Variants in TMPRSS9 observed in about 807,000 individuals in gnomAD.
TMPRSS9 encodes the protein transmembrane serine protease 9, also known as transmembrane protease serine 9.
TMPRSS9 carries 113 observed loss-of-function variants against 111.4 expected under a neutral mutation model. The observed-to-expected ratio is 1.01, with a 90% CI of 0.87 to 1.19. The LOEUF is 1.19. Ranked by LOEUF, TMPRSS9 falls within the 50% of genes most tolerant of loss-of-function variation. The pLI is 0.00. For synonymous variants in TMPRSS9, 805 were observed against 659.1 expected, an observed-to-expected ratio of 1.22 and a Z score of -3.39; for missense variants, 1,803 against 1,513.1, an observed-to-expected ratio of 1.19 and a Z score of -3.18.
chr19:2,424,388 C>A, intron 15 of TMPRSS9, 131 bp downstream of exon 16: 1 of 1,003,800 alleles, frequency 1.0e-6, no homozygotes, highest in African/African-American at 1.7e-5. Context: ...TCCCACTGCC[C>A]CAGGCCACTC....
exon 16 of TMPRSS9, chr19:2,425,199 AGCCCGC>A (rs1971584293): frequency 2.0e-6 from 3 of 1,517,410 alleles, no homozygotes; most frequent in South Asian, 1.2e-5. Context: ...TGCCTGCCCG[AGCCCGC>A]GCCGCGACCC....
At chr19:2,406,309 C>G (rs1231434838) in intron 7 of TMPRSS9, among the ~76,000 whole-genome samples, 1 of 137,964 alleles carries the variant, frequency 7.2e-6, no homozygotes, top group Admixed American at 7.2e-5. Context: ...TGAGCCACTG[C>G]GCCCGGCCTC....
Position 2,417,294 on chromosome 19 carries a change from C to T in TMPRSS9, c.2017+485C>T, listed in dbSNP as rs538278466. ...CAGCCTGGCCAACATGGTGAAACCCCGTCTCTACTAGAAATACAAAAATTA... is the reference window on the plus strand; with the variant it reads ...CAGCCTGGCCAACATGGTGAAACCCTGTCTCTACTAGAAATACAAAAATTA... On this transcript the variant is annotated intron_variant, in intron 12 of 17. Transcript: ENST00000648592. 1.8e-4 allele frequency among the ~76,000 whole-genome samples: 28 copies of T among 151,634 alleles called. No homozygotes were observed. The Middle Eastern group carries it at 0.01, about 55-fold the overall frequency.
intron 1 of TMPRSS9, among the ~76,000 whole-genome samples, chr19:2,381,419 C>G (rs1204358699): frequency 4.6e-5 from 7 of 151,690 alleles, no homozygotes; most frequent in Non-Finnish European, 7.4e-5. Flanking sequence ...CTTTCCAGCT[C>G]TAATCACAGA....
intron 11 of TMPRSS9, 27 bp from the exon 13 acceptor site, chr19:2,416,511 G>A: frequency 1.3e-6 from 2 of 1,588,820 alleles, no homozygotes; most frequent in Non-Finnish European, 8.6e-7. Context: ...TGGAGGGCAG[G>A]CATGTCTGAG....
rs919677357 is a variant in TMPRSS9 at position 2,421,908 on chromosome 19, G to A, written c.2209G>A (p.Ala737Thr). 8 of 1,612,762 alleles carry A rather than the reference G, an allele frequency of 5.0e-6. No homozygotes were observed. Among genetic ancestry groups the A allele is most frequent in the Non-Finnish European group, 6.8e-6 (8 of 1,179,834 alleles). ...GGAGGCCCCTGGCGTGTTTTATCTG[G>A]CAGGGATCGTGAGCTGGGGTATTGG... Residue 737 changes from alanine to threonine, a missense_variant, in exon 14 of 18, where the codon GCA becomes ACA. Coordinates refer to ENST00000648592, the Ensembl canonical transcript of TMPRSS9.
intron 1 of TMPRSS9, among the ~76,000 whole-genome samples, chr19:2,364,778 G>A (rs889988570): frequency 3.3e-5 from 5 of 151,876 alleles, no homozygotes; most frequent in African/African-American, 4.8e-5. Context: ...GAGGTCAGGA[G>A]ATCGAGACCA....
intron 1 of TMPRSS9, among the ~76,000 whole-genome samples, chr19:2,360,607 G>A (rs1599270919): frequency 6.6e-6 from 1 of 152,084 alleles, no homozygotes; most frequent in African/African-American, 2.4e-5. Context: ...CCAGGGTTGT[G>A]TGGACTCAGG....
At chr19:2,416,641 C>T (rs759310180) in exon 12 of TMPRSS9, 1 of 1,613,026 alleles carries the variant, frequency 6.2e-7, no homozygotes. Flanking sequence ...GCTGCACCCC[C>T]TCTACAACCC....
chr19:2,361,378 G>A (rs1245683167), intron 1 of TMPRSS9, among the ~76,000 whole-genome samples: 2 of 137,198 alleles, frequency 1.5e-5, no homozygotes, highest in Non-Finnish European at 3.2e-5. Flanking sequence ...GGGAGGGGGG[G>A]CTGGGGTGGG....
intron 1 of TMPRSS9, among the ~76,000 whole-genome samples, chr19:2,391,973 C>G (rs1266788023): frequency 6.6e-6 from 1 of 152,010 alleles, no homozygotes; most frequent in Non-Finnish European, 1.5e-5. Flanking sequence ...AACTGCTGAC[C>G]TCAAGTGATC....
At chr19:2,405,985 C>A (rs1417360209) in intron 7 of TMPRSS9, among the ~76,000 whole-genome samples, 1 of 139,272 alleles carries the variant, frequency 7.2e-6, no homozygotes, top group African/African-American at 2.7e-5. Context: ...TGTGAGCCAT[C>A]GTGCCCGGCC....
chr19:2,388,757 A>T (rs552520019), upstream of TMPRSS9, among the ~76,000 whole-genome samples: 8 of 151,954 alleles, frequency 5.3e-5, no homozygotes, highest in Non-Finnish European at 1.5e-5. Flanking sequence ...AGTGGCTAGG[A>T]TTACAGGCAT....
intron 8 of TMPRSS9, 144 bp from the exon 10 acceptor site, chr19:2,410,114 A>G: frequency 8.5e-7 from 1 of 1,180,064 alleles, no homozygotes; most frequent in Non-Finnish European, 1.2e-6. Context: ...TTGTAGTTTC[A>G]GAGCCATGTG....
At chr19:2,363,110 C>T (rs1302438381) in intron 1 of TMPRSS9, among the ~76,000 whole-genome samples, 4 of 152,214 alleles carry the variant, frequency 2.6e-5, no homozygotes, top group Non-Finnish European at 4.4e-5. Context: ...GAATGGGAGT[C>T]CGTGTGTGCC....
chr19:2,384,311 G>A (rs1408140632), intron 1 of TMPRSS9, among the ~76,000 whole-genome samples: 3 of 152,190 alleles, frequency 2.0e-5, no homozygotes, highest in Non-Finnish European at 4.4e-5. Flanking sequence ...GCAGAGAAAG[G>A]CGTCCCTGCA....
At chr19:2,364,540 A>C (rs1336465077) in intron 1 of TMPRSS9, among the ~76,000 whole-genome samples, 7 of 151,572 alleles carry the variant, frequency 4.6e-5, no homozygotes, top group African/African-American at 1.5e-4. Context: ...GAGCCACGGC[A>C]CCCAGCCCTT....
chr19:2,386,437 G>A (rs937495436), upstream of TMPRSS9, among the ~76,000 whole-genome samples: 13 of 151,506 alleles, frequency 8.6e-5, no homozygotes, highest in African/African-American at 1.2e-4. Flanking sequence ...CCTGGGAGGC[G>A]GAGCTTGCAG....
At chr19:2,380,797 C>T (rs545100368) in intron 1 of TMPRSS9, among the ~76,000 whole-genome samples, 1 of 152,226 alleles carries the variant, frequency 6.6e-6, no homozygotes, top group East Asian at 1.9e-4. Context: ...TGATTTGTTA[C>T]ACAGCAATAG....
Sources: gnomAD v4.1 joint callset for allele counts (sites outside exome capture counted in the v4.1 genomes callset) on GRCh38, gnomAD v4.1.1 for gene constraint, MANE v1.5 for transcripts, NCBI Gene and HGNC (gene_info 2026-07-23, HGNC 2026-07-21) for gene names.